RUNDC3B: variants seen among roughly 807,000 people sequenced by gnomAD.
RUNDC3B encodes RUN domain containing 3B.
In RUNDC3B, 33 loss-of-function variants were observed where a neutral mutation model predicts 58.4. That is an observed-to-expected ratio of 0.56 (90% CI 0.43 to 0.75). The LOEUF (loss-of-function observed/expected upper bound fraction) is 0.75. RUNDC3B is among the 30% of genes least tolerant of loss of function. RUNDC3B has a pLI of 0.00. For synonymous variants in RUNDC3B, 193 were observed against 195.2 expected (o/e 0.99, Z 0.10); for missense variants, 501 against 535.7 (o/e 0.94, Z 0.64).
chr7:87,720,328 GAGAC>G (rs1420778427), intron 4 of RUNDC3B, among the ~76,000 whole-genome samples: 5 of 152,154 alleles, frequency 3.3e-5, no homozygotes, highest in African/African-American at 7.2e-5. Context: ...ATGAGAGAGA[GAGAC>G]AGACAGGCTG....
At chr7:87,703,885 C>CTTTTTTTTTTGTTTTTTTTTTTTTTTTT (rs1829308965) in intron 3 of RUNDC3B, among the ~76,000 whole-genome samples, 1 of 60,282 alleles carries the variant, frequency 1.7e-5, no homozygotes, top group Non-Finnish European at 3.2e-5. Context: ...TCAGTTTTTT[C>CTTTTTTTTTTGTTTTTTTTTTTTTTTTT]TTTTTTTTTT....
intron 2 of RUNDC3B, among the ~76,000 whole-genome samples, chr7:87,695,053 G>T (rs535285216): frequency 6.6e-6 from 1 of 152,086 alleles, no homozygotes; most frequent in African/African-American, 2.4e-5. Context: ...TGATATACTT[G>T]AAGTGTCCTG....
intron 6 of RUNDC3B, among the ~76,000 whole-genome samples, chr7:87,743,437 T>A (rs2130816705): frequency 6.6e-6 from 1 of 152,336 alleles, no homozygotes; most frequent in South Asian, 2.1e-4. Flanking sequence ...CCACCAGCAG[T>A]GTAGAAGTGT....
At chr7:87,819,277 G>C (rs1222571883) in intron 10 of RUNDC3B, among the ~76,000 whole-genome samples, 1 of 152,102 alleles carries the variant, frequency 6.6e-6, no homozygotes, top group Non-Finnish European at 1.5e-5. Flanking sequence ...GTACACCAAA[G>C]GTTAGTCTTA....
intron 4 of RUNDC3B, among the ~76,000 whole-genome samples, chr7:87,714,157 G>A (rs1275620754): frequency 6.6e-6 from 1 of 152,170 alleles, no homozygotes; most frequent in East Asian, 1.9e-4. Flanking sequence ...ATCTGTGTAT[G>A]TATTGTGGGA....
At chr7:87,698,726 G>C (rs952349902) in intron 2 of RUNDC3B, among the ~76,000 whole-genome samples, 3 of 152,080 alleles carry the variant, frequency 2.0e-5, no homozygotes, top group African/African-American at 7.2e-5. Flanking sequence ...TCTAAAATAA[G>C]ACAAAATTCC....
intron 2 of RUNDC3B, among the ~76,000 whole-genome samples, chr7:87,667,326 A>G (rs906777668): frequency 6.6e-6 from 1 of 151,148 alleles, no homozygotes; most frequent in Non-Finnish European, 1.5e-5. Flanking sequence ...TGATTTTTGT[A>G]CATTGATTTT....
At chr7:87,692,530 A>T (rs998358712) in intron 2 of RUNDC3B, among the ~76,000 whole-genome samples, 1 of 152,140 alleles carries the variant, frequency 6.6e-6, no homozygotes, top group Non-Finnish European at 1.5e-5. Context: ...CACCTTATAT[A>T]AGGGGTTGGT....
At chr7:87,808,081 T>C (rs943115874) in intron 9 of RUNDC3B, among the ~76,000 whole-genome samples, 2 of 152,154 alleles carry the variant, frequency 1.3e-5, no homozygotes, top group African/African-American at 4.8e-5. Context: ...GTAATCTTCA[T>C]CTTGAAACTT....
intron 9 of RUNDC3B, among the ~76,000 whole-genome samples, chr7:87,812,592 G>C (rs1028478608): frequency 2.6e-5 from 4 of 152,166 alleles, no homozygotes; most frequent in African/African-American, 7.2e-5. Flanking sequence ...CTGGGCAACA[G>C]AGTGAGACTC....
At chr7:87,741,329 ATATTTTATTCAGGCGTT>A (rs1470787986) in intron 5 of RUNDC3B, among the ~76,000 whole-genome samples, 153 bp from the exon 6 acceptor site, 6 of 152,182 alleles carry the variant, frequency 3.9e-5, no homozygotes, top group Non-Finnish European at 2.9e-5. Flanking sequence ...TGAAGGTAGA[ATATTTTATTCAGGCGTT>A]TATTTCTGAC....
chr7:87,695,900 C>T (rs968516230), intron 2 of RUNDC3B, among the ~76,000 whole-genome samples: 2 of 151,966 alleles, frequency 1.3e-5, no homozygotes, highest in African/African-American at 4.8e-5. Context: ...TTTAGAGTAA[C>T]ATTGGACCCT....
At chr7:87,675,653 CAAAAAAA>C (rs200136132) in intron 2 of RUNDC3B, among the ~76,000 whole-genome samples, 968 of 65,832 alleles carry the variant, frequency 0.015, 7 homozygotes, top group Non-Finnish European at 0.021. Flanking sequence ...TATTCACATG[CAAAAAAA>C]AAAAAAAAAA....
intron 8 of RUNDC3B, among the ~76,000 whole-genome samples, chr7:87,783,065 A>C (rs1259598163): frequency 1.3e-5 from 2 of 152,058 alleles, no homozygotes; most frequent in African/African-American, 2.4e-5. Context: ...ATTGAAGTCC[A>C]CTACTATTAT....
intron 3 of RUNDC3B, 60 bp from the exon 4 acceptor site, chr7:87,710,510 C>A: frequency 1.1e-6 from 1 of 928,418 alleles, no homozygotes; most frequent in South Asian, 1.6e-5. Flanking sequence ...TTTTTGATGG[C>A]ACAGTGGCAA....
At chr7:87,658,104 C>T (rs1047994787) in intron 2 of RUNDC3B, among the ~76,000 whole-genome samples, 4 of 152,086 alleles carry the variant, frequency 2.6e-5, no homozygotes, top group Non-Finnish European at 4.4e-5. Context: ...GTGTTAGAAT[C>T]ACTGACAAAG....
intron 6 of RUNDC3B, among the ~76,000 whole-genome samples, chr7:87,756,893 C>G (rs1322379369): frequency 1.3e-5 from 2 of 152,086 alleles, no homozygotes; most frequent in Admixed American, 1.3e-4. Context: ...CCCTCTCCCT[C>G]CTCATGGTCT....
intron 2 of RUNDC3B, among the ~76,000 whole-genome samples, chr7:87,692,811 AAGAACATTATGTTCTAATATG>A (rs1828138853): frequency 6.6e-6 from 1 of 152,216 alleles, no homozygotes; most frequent in South Asian, 2.1e-4. Flanking sequence ...TAGTTATAGC[AAGAACATTATGTTCTAATATG>A]AGCTTTAACT....
At chr7:87,685,857 T>C (rs1441107194) in intron 2 of RUNDC3B, among the ~76,000 whole-genome samples, 3 of 152,172 alleles carry the variant, frequency 2.0e-5, no homozygotes, top group Non-Finnish European at 4.4e-5. Flanking sequence ...CATTAAAACA[T>C]TTTAAAATGG....
Sources: gnomAD v4.1 joint callset for allele counts (sites outside exome capture counted in the v4.1 genomes callset) on GRCh38, gnomAD v4.1.1 for gene constraint, MANE v1.5 for transcripts, NCBI Gene and HGNC (gene_info 2026-07-23, HGNC 2026-07-21) for gene names.